APBA1: variants seen among roughly 807,000 people sequenced by gnomAD.
APBA1 encodes amyloid beta precursor protein binding family A member 1, also known as amyloid-beta A4 precursor protein-binding family A member 1.
APBA1 carries 55 observed loss-of-function variants against 86.6 expected under a neutral mutation model. That is an observed-to-expected ratio of 0.64 (90% confidence interval 0.51 to 0.80). APBA1 has a LOEUF of 0.80. Among genes scored for constraint, APBA1 ranks in the 30% least tolerant of loss-of-function variants. The probability of loss-of-function intolerance (pLI) is 0.00; values close to 1 mark genes in which losing one functional copy is unlikely to be tolerated. For missense variants in APBA1, 1,090 were observed against 1,183.0 expected (o/e 0.92, Z 1.15); for synonymous variants, 511 against 493.9 (o/e 1.03, Z -0.46).
In APBA1 at chr9:69,446,308, C is replaced by T. The variant is rs182908896; in HGVS notation, c.2181+3276G>A. Among the ~76,000 whole-genome samples, 63 of 152,232 alleles carry T rather than the reference C, an allele frequency of 4.1e-4. 1 individual carries two copies. The East Asian group carries it at 9.1e-3, about 22-fold the overall frequency. On this transcript the variant is annotated intron_variant, in intron 10 of 12. Coordinates refer to ENST00000265381, the MANE Select transcript of APBA1 (RefSeq NM_001163.4). Reference sequence around the variant, plus strand: ...CCATCACATTTCCCCATTCAACAAGCGGCGCACTGTGGCAGGGAGGAAGTT... The same window carrying T: ...CCATCACATTTCCCCATTCAACAAGTGGCGCACTGTGGCAGGGAGGAAGTT...
At chr9:69,495,255 C>A (rs1458112648) in intron 2 of APBA1, among the ~76,000 whole-genome samples, 3 of 152,106 alleles carry the variant, frequency 2.0e-5, no homozygotes, top group African/African-American at 7.2e-5. Context: ...AATGCAGAGA[C>A]CAACTTATAA....
chr9:69,452,348 CT>C (rs1835025434), intron 8 of APBA1, 47 bp from the exon 9 acceptor site: 1 of 1,591,958 alleles, frequency 6.3e-7, no homozygotes, highest in Non-Finnish European at 8.6e-7. Context: ...GGCAGTGCAC[CT>C]GGTGAGCGGC....
intron 1 of APBA1, among the ~76,000 whole-genome samples, chr9:69,543,829 G>A (rs890010344): frequency 5.9e-5 from 9 of 152,180 alleles, no homozygotes; most frequent in African/African-American, 1.9e-4. Context: ...TGCTAGCAAT[G>A]TCTGAAATTT....
At chr9:69,520,825 G>T (rs1489811108) in intron 1 of APBA1, among the ~76,000 whole-genome samples, 2 of 152,098 alleles carry the variant, frequency 1.3e-5, no homozygotes, top group African/African-American at 4.8e-5. Flanking sequence ...GATCAGTCTT[G>T]CTGCCACTGC....
intron 1 of APBA1, among the ~76,000 whole-genome samples, chr9:69,628,132 C>G (rs1822969526): frequency 6.6e-6 from 1 of 152,146 alleles, no homozygotes; most frequent in African/African-American, 2.4e-5. Flanking sequence ...AGCCACACAG[C>G]AAAGAGCTGT....
chr9:69,672,679 A>AG (rs1371115693), upstream of APBA1: 2 of 151,970 alleles, frequency 1.3e-5, no homozygotes, highest in Non-Finnish European at 2.9e-5. Flanking sequence ...CGGGTTCCGA[A>AG]GGGCCCGCCC....
chr9:69,513,677 A>G (rs1282369408), intron 2 of APBA1, among the ~76,000 whole-genome samples: 1 of 152,196 alleles, frequency 6.6e-6, no homozygotes, highest in Non-Finnish European at 1.5e-5. Flanking sequence ...CACTGACCCA[A>G]TGCTGTCCCC....
chr9:69,476,418 A>C (rs534416420), intron 2 of APBA1, among the ~76,000 whole-genome samples: 1 of 152,340 alleles, frequency 6.6e-6, no homozygotes, highest in East Asian at 1.9e-4. Flanking sequence ...AATACAGAAA[A>C]GGTTGAAATT....
At chr9:69,602,055 AT>A (rs1822360013) in intron 1 of APBA1, among the ~76,000 whole-genome samples, 1 of 152,210 alleles carries the variant, frequency 6.6e-6, no homozygotes, top group Non-Finnish European at 1.5e-5. Context: ...CAAAAGATAT[AT>A]TTTTTAAGCA....
At chr9:69,615,263 G>A (rs1338637326) in intron 1 of APBA1, among the ~76,000 whole-genome samples, 1 of 152,148 alleles carries the variant, frequency 6.6e-6, no homozygotes, top group Admixed American at 6.5e-5. Flanking sequence ...ATTTTATAAA[G>A]TATATTTTTG....
At chr9:69,575,695 C>T (rs1335816349) in intron 1 of APBA1, among the ~76,000 whole-genome samples, 1 of 152,082 alleles carries the variant, frequency 6.6e-6, no homozygotes, top group Non-Finnish European at 1.5e-5. Context: ...ACACCTTATA[C>T]AAAAATCAAT....
chr9:69,449,825 TCC>T, intron 9 of APBA1, 29 bp from the exon 10 acceptor site: 1 of 1,586,384 alleles, frequency 6.3e-7, no homozygotes, highest in Non-Finnish European at 8.6e-7. Flanking sequence ...TTAGAAAACC[TCC>T]ATCAGTGACC....
At chr9:69,625,601 A>T (rs1180589392) in intron 1 of APBA1, among the ~76,000 whole-genome samples, 1 of 152,158 alleles carries the variant, frequency 6.6e-6, no homozygotes. Context: ...TCAAGCATTA[A>T]TTAGGCTTAG....
chr9:69,434,408 T>C lies in APBA1; in HGVS notation c.2302-1732A>G, dbSNP rs111737350. Among the ~76,000 whole-genome samples the C allele has an allele frequency of 9.7e-4, 144 of 148,692 alleles. 1 individual carries two copies. Among genetic ancestry groups the C allele is most frequent in the African/African-American group, 3.3e-3 (130 of 39,056 alleles). On this transcript the variant is annotated intron_variant, in intron 11 of 12. Coordinates refer to ENST00000265381, the MANE Select transcript of APBA1 (RefSeq NM_001163.4). The stretch of plus-strand genomic sequence containing the variant: ...TGATGGATTCCTTCAGGGAACAAAC[T>C]GGCTTAAAACAAAAAAAAAAAAGTC...
chr9:69,501,824 T>C (rs1835884871), intron 2 of APBA1, among the ~76,000 whole-genome samples: 1 of 152,054 alleles, frequency 6.6e-6, no homozygotes, highest in African/African-American at 2.4e-5. Flanking sequence ...TGAGATTGTC[T>C]CTAAAGAGTG....
intron 1 of APBA1, among the ~76,000 whole-genome samples, chr9:69,645,908 G>A (rs1243204801): frequency 6.6e-6 from 1 of 152,156 alleles, no homozygotes; most frequent in African/African-American, 2.4e-5. Context: ...GCCCAATCAC[G>A]TCTCTGCTTA....
At chr9:69,644,633 G>T (rs1823354964) in intron 1 of APBA1, among the ~76,000 whole-genome samples, 1 of 152,190 alleles carries the variant, frequency 6.6e-6, no homozygotes, top group Non-Finnish European at 1.5e-5. Context: ...CCATGTCTCA[G>T]ATGGGACCCC....
intron 1 of APBA1, among the ~76,000 whole-genome samples, chr9:69,622,406 G>A (rs1588397770): frequency 6.6e-6 from 1 of 152,264 alleles, no homozygotes. Flanking sequence ...GAGCAGGTAG[G>A]TCTGGCTAGG....
intron 1 of APBA1, among the ~76,000 whole-genome samples, chr9:69,582,937 G>T (rs1019405264): frequency 6.6e-6 from 1 of 152,178 alleles, no homozygotes; most frequent in African/African-American, 2.4e-5. Flanking sequence ...AACCAGCTTT[G>T]TAGGGTAAAT....
Sources: gnomAD v4.1 joint callset for allele counts (sites outside exome capture counted in the v4.1 genomes callset) on GRCh38, gnomAD v4.1.1 for gene constraint, MANE v1.5 for transcripts, NCBI Gene and HGNC (gene_info 2026-07-23, HGNC 2026-07-21) for gene names.